LHCGR: variants seen among roughly 807,000 people sequenced by gnomAD.
The protein encoded by LHCGR is luteinizing hormone/choriogonadotropin receptor.
LHCGR carries 55 observed loss-of-function variants against 60.7 expected under a neutral mutation model. The observed-to-expected ratio is 0.91, with a 90% CI of 0.73 to 1.13. The LOEUF is 1.13. Ranked by LOEUF, LHCGR falls within the 50% of genes most tolerant of loss-of-function variation. LHCGR has a pLI of 0.00. For missense variants in LHCGR, 862 were observed against 836.0 expected (o/e 1.03, Z -0.38); for synonymous variants, 337 against 316.5 (o/e 1.06, Z -0.69).
chr2:48,714,898 C>T (rs1668173092), intron 6 of LHCGR, among the ~76,000 whole-genome samples: 1 of 152,132 alleles, frequency 6.6e-6, no homozygotes, highest in Admixed American at 6.6e-5. Context: ...AGGAAATAGG[C>T]TCAGTGAGGG....
intron 10 of LHCGR, among the ~76,000 whole-genome samples, chr2:48,691,202 C>T (rs1002265684): frequency 2.6e-5 from 4 of 152,074 alleles, no homozygotes; most frequent in South Asian, 2.1e-4. Context: ...TCTCTGCTTT[C>T]GAAAGCTAAC....
chr2:48,753,754 T>C (rs2103757462), intron 1 of LHCGR, among the ~76,000 whole-genome samples: 1 of 152,212 alleles, frequency 6.6e-6, no homozygotes, highest in South Asian at 2.1e-4. Flanking sequence ...GGCCCACCCA[T>C]TCATGCCCCC....
At chr2:48,700,393 T>C (rs571910744) in intron 8 of LHCGR, among the ~76,000 whole-genome samples, 5 of 152,310 alleles carry the variant, frequency 3.3e-5, no homozygotes, top group African/African-American at 1.2e-4. Flanking sequence ...ATTCAAGTCC[T>C]AGGGGTATAA....
intron 6 of LHCGR, among the ~76,000 whole-genome samples, chr2:48,717,542 C>CTTATTA (rs34793365): frequency 8.6e-5 from 13 of 151,072 alleles, no homozygotes; most frequent in South Asian, 4.2e-4. Flanking sequence ...ATGTGTTGAT[C>CTTATTA]TTATTATTAT....
In LHCGR at chr2:48,755,619, T is replaced by TGCAGCTGCAGCA; in HGVS notation, c.52_53insTGCTGCAGCTGC (p.Leu17_Gln18insLeuLeuGlnLeu). The TGCAGCTGCAGCA allele has an allele frequency of 1.3e-6, 2 of 1,531,296 alleles. No individual in the cohort carries two copies. The highest frequency in any genetic ancestry group is 1.8e-6 in the Non-Finnish European group (2 of 1,141,792). 94.9% of individuals were successfully genotyped at this position (1,531,296 alleles called of 1,614,324 possible). A position where few individuals can be genotyped will look rare whatever the true frequency, so the allele number is the denominator to read the frequency against. ...GCGCAGCGCTCGTGGCAGCGGCGGCTGCAGCAGCAGCAGCAGCTTCAGCAG... is the reference window on the plus strand; with the variant it reads ...GCGCAGCGCTCGTGGCAGCGGCGGCTGCAGCTGCAGCAGCAGCAGCAGCAGCAGCTTCAGCAG... On this transcript the variant is annotated inframe_insertion, in exon 1 of 11. Coordinates refer to ENST00000294954, the MANE Select transcript of LHCGR (RefSeq NM_000233.4).
chr2:48,688,321 G>A lies in LHCGR; in HGVS notation c.1476C>T (p.Leu492=), dbSNP rs1308870484. ...GCAACATAGCAATTAGAGAAGAAAA[G>A]AGCCATCCTCCAAGCATAATCAGAA... ...HAILIMLGGW[L]FSSLIAMLPL... is the part of the protein sequence containing the mutation. The change falls in exon 11 of 11, where the codon CTC becomes CTT. Residue 492 remains leucine, a synonymous_variant. Coordinates refer to ENST00000294954, the MANE Select transcript of LHCGR (RefSeq NM_000233.4). This position sits in a 1 kb window ranked among gnomAD's most constrained non-coding sequence, Gnocchi z 5.2. The A allele has an allele frequency of 6.2e-7, 1 of 1,614,014 alleles. No individual in the cohort carries two copies. Among genetic ancestry groups the A allele is most frequent in the Non-Finnish European group, 8.5e-7 (1 of 1,180,030 alleles).
intron 8 of LHCGR, among the ~76,000 whole-genome samples, chr2:48,707,690 A>T (rs528868992): frequency 1.2e-3 from 189 of 152,360 alleles, no homozygotes; most frequent in African/African-American, 4.4e-3. Context: ...CAGTGTGCAT[A>T]AAACCACCTA....
At chr2:48,708,682 C>T in intron 8 of LHCGR, 2 of 568,948 alleles carry the variant, frequency 3.5e-6, no homozygotes, top group Non-Finnish European at 3.2e-6. Flanking sequence ...CTTCACAGCC[C>T]TCAGAGGGAG....
chr2:48,727,748 A>G (rs991119104), intron 3 of LHCGR, among the ~76,000 whole-genome samples: 5 of 152,166 alleles, frequency 3.3e-5, no homozygotes, highest in African/African-American at 1.2e-4. Context: ...GAGTAGTCTC[A>G]CTTCCCTGGC....
intron 7 of LHCGR, among the ~76,000 whole-genome samples, chr2:48,710,533 C>A (rs1002149221): frequency 2.0e-5 from 3 of 152,162 alleles, no homozygotes; most frequent in African/African-American, 7.2e-5. Context: ...AATCAATTTC[C>A]CACATTTTCC....
chr2:48,752,091 C>T (rs1008716482), intron 1 of LHCGR, among the ~76,000 whole-genome samples: 1 of 152,040 alleles, frequency 6.6e-6, no homozygotes, highest in African/African-American at 2.4e-5. Context: ...CATTTTTTCC[C>T]CAATTAAAGT....
intron 8 of LHCGR, among the ~76,000 whole-genome samples, chr2:48,706,258 G>A (rs1572839418): frequency 6.6e-6 from 1 of 152,220 alleles, no homozygotes; most frequent in Admixed American, 6.5e-5. Flanking sequence ...TCTGCTGACA[G>A]ATCAGCTGTT....
At position 48,755,701 on chromosome 2, in the gene LHCGR, C is replaced by A. The variant is rs887501453; in HGVS notation, c.-30G>T. On this transcript the variant is annotated 5_prime_UTR_variant, in exon 1 of 11. Transcript: ENST00000294954. ...GGCGAACTGGGCTTCTGCGGCTTGC[C>A]AGTGTCTTGGACGGCCTCTGAGTGC... The A allele has an allele frequency of 5.9e-6, 9 of 1,533,614 alleles. No homozygotes were observed. In the African/African-American group the frequency reaches 1.1e-4, roughly 19 times the overall value.
chr2:48,700,279 C>T (rs571425510), intron 8 of LHCGR, among the ~76,000 whole-genome samples: 24 of 152,198 alleles, frequency 1.6e-4, no homozygotes, highest in African/African-American at 5.1e-4. Context: ...AGTAAGGCCT[C>T]GTTACAAGGC....
chr2:48,751,131 G>A (rs2103742010), intron 1 of LHCGR, among the ~76,000 whole-genome samples: 1 of 152,266 alleles, frequency 6.6e-6, no homozygotes, highest in South Asian at 2.1e-4. Flanking sequence ...GGGGCAGTGG[G>A]CATCAGGGAA....
intron 6 of LHCGR, among the ~76,000 whole-genome samples, chr2:48,715,241 A>C (rs1368054422): frequency 1.3e-5 from 2 of 152,336 alleles, no homozygotes; most frequent in Admixed American, 6.5e-5. Context: ...GTGAGAACAT[A>C]TCCTCCTGTA....
chr2:48,725,853 C>T (rs1384153650), intron 3 of LHCGR, 103 bp from the exon 4 acceptor site: 1 of 940,496 alleles, frequency 1.1e-6, no homozygotes, highest in South Asian at 1.3e-5. Context: ...AAAATGGCAT[C>T]AGCAAAAGCA....
intron 7 of LHCGR, among the ~76,000 whole-genome samples, chr2:48,709,843 C>CT (rs1397967640): frequency 1.3e-5 from 2 of 152,154 alleles, no homozygotes; most frequent in African/African-American, 4.8e-5. Context: ...ACAGGCCCTT[C>CT]TTTGAGTAGT....
chr2:48,738,187 T>C (rs1183892693), intron 1 of LHCGR, among the ~76,000 whole-genome samples: 1 of 152,172 alleles, frequency 6.6e-6, no homozygotes, highest in East Asian at 1.9e-4. Context: ...AGAATGTTTT[T>C]TCTCTTCCTC....
Sources: gnomAD v4.1 joint callset for allele counts (sites outside exome capture counted in the v4.1 genomes callset) on GRCh38, gnomAD v4.1.1 for gene constraint, Gnocchi (gnomAD v3.1) non-coding constraint, MANE v1.5 for transcripts, NCBI Gene and HGNC (gene_info 2026-07-23, HGNC 2026-07-21) for gene names.